RBPJ: variants seen among roughly 807,000 people sequenced by gnomAD.
The protein encoded by RBPJ is recombination signal binding protein for immunoglobulin kappa J region, also known as recombining binding protein suppressor of hairless.
In RBPJ, 9 loss-of-function variants were observed where a neutral mutation model predicts 67.8. That is an observed-to-expected ratio of 0.13 (90% CI 0.08 to 0.23). RBPJ has a LOEUF of 0.23. Ranked by LOEUF, RBPJ falls within the 10% of genes least tolerant of loss-of-function variation. The probability of loss-of-function intolerance (pLI) is 1.00; values close to 1 mark genes in which losing one functional copy is unlikely to be tolerated. For missense variants in RBPJ, 305 were observed against 595.6 expected, an observed-to-expected ratio of 0.51 and a Z score of 5.08; for synonymous variants, 198 against 203.3, an observed-to-expected ratio of 0.97 and a Z score of 0.22.
intron 1 of RBPJ, among the ~76,000 whole-genome samples, chr4:26,219,240 ACCAG>A (rs1348873574): frequency 1.3e-5 from 2 of 152,198 alleles, no homozygotes; most frequent in Non-Finnish European, 2.9e-5. Context: ...CCACCAGCCT[ACCAG>A]CCACGAGTCT....
chr4:26,191,200 TATATATATATAGAGAGAGAGAG>T (rs1279207120), intron 1 of RBPJ, among the ~76,000 whole-genome samples: 4 of 31,324 alleles, frequency 1.3e-4, no homozygotes, highest in African/African-American at 4.3e-4. Context: ...TATATATATA[TATATATATATAGAGAGAGAGAG>T]AGAGAGAGAG....
intron 1 of RBPJ, among the ~76,000 whole-genome samples, chr4:26,300,827 A>C (rs1722050966): frequency 6.6e-6 from 1 of 152,226 alleles, no homozygotes; most frequent in South Asian, 2.1e-4. Context: ...ATGAAGATTT[A>C]ATAAGATGAA....
chr4:26,126,839 A>G, the RBPJ span, among the ~76,000 whole-genome samples: 1 of 152,372 alleles, frequency 6.6e-6, no homozygotes, highest in Non-Finnish European at 1.5e-5. Context: ...AGGAACACAG[A>G]GAACCATATG....
intron 1 of RBPJ, among the ~76,000 whole-genome samples, chr4:26,355,485 CAAAAAAAAA>C (rs33950714): frequency 7.6e-6 from 1 of 131,790 alleles, no homozygotes; most frequent in African/African-American, 2.9e-5. Flanking sequence ...TCATCTCTAC[CAAAAAAAAA>C]AAAAAAAAAA....
intron 1 of RBPJ, among the ~76,000 whole-genome samples, chr4:26,189,326 G>T (rs1454447192): frequency 6.6e-6 from 1 of 152,104 alleles, no homozygotes; most frequent in Non-Finnish European, 1.5e-5. Flanking sequence ...TGCAAAAACT[G>T]ATCCAACCTG....
intron 1 of RBPJ, among the ~76,000 whole-genome samples, chr4:26,351,291 TC>T (rs1158033289): frequency 1.3e-5 from 2 of 151,988 alleles, no homozygotes; most frequent in Non-Finnish European, 2.9e-5. Flanking sequence ...AATTAGGGAG[TC>T]CTGAAGGCAA....
chr4:26,272,343 A>G (rs779420543), intron 1 of RBPJ, among the ~76,000 whole-genome samples: 12 of 152,290 alleles, frequency 7.9e-5, no homozygotes, highest in Middle Eastern at 6.8e-3. Flanking sequence ...AGGCAAGAGG[A>G]TCACTTTAGG....
chr4:26,382,606 A>G (rs777593172), intron 1 of RBPJ, among the ~76,000 whole-genome samples: 5 of 152,322 alleles, frequency 3.3e-5, no homozygotes, highest in Non-Finnish European at 4.4e-5. Flanking sequence ...GCAGTGGCTC[A>G]GTCACAACTC....
At chr4:26,113,393 G>A in the RBPJ span, 2 of 541,188 alleles carry the variant, frequency 3.7e-6, no homozygotes, top group South Asian at 1.9e-5. Context: ...AACACACACA[G>A]GAGAGAAACC....
chr4:26,331,090 G>C (rs1445649955), intron 1 of RBPJ, among the ~76,000 whole-genome samples: 1 of 152,174 alleles, frequency 6.6e-6, no homozygotes, highest in East Asian at 1.9e-4. Context: ...GTTTTAGGGG[G>C]AGGGGAAGGC....
chr4:26,282,603 C>A lies in RBPJ; in HGVS notation c.-166-79843C>A, dbSNP rs532985290. On this transcript the variant is annotated intron_variant, in intron 1 of 4. Coordinates refer to the RBPJ transcript ENST00000512351. ...TGGCGCGATCTCTGCTCACTGCAAC[C>A]TCTACCTCCCGGGTTCAAGCAATTC... Among the ~76,000 whole-genome samples the A allele has an allele frequency of 6.6e-5, 10 of 152,106 alleles. No homozygotes were observed. The South Asian group carries it at 1.9e-3, about 28-fold the overall frequency.
At chr4:26,192,452 T>C (rs1717601692) in intron 1 of RBPJ, among the ~76,000 whole-genome samples, 1 of 152,212 alleles carries the variant, frequency 6.6e-6, no homozygotes, top group African/African-American at 2.4e-5. Context: ...GATGTTGCTA[T>C]TAATCATTAA....
chr4:26,280,213 G>T (rs1183314691), intron 1 of RBPJ, among the ~76,000 whole-genome samples: 3 of 151,648 alleles, frequency 2.0e-5, no homozygotes, highest in African/African-American at 7.3e-5. Flanking sequence ...TGGCTAACAC[G>T]GCGAAACCCC....
At chr4:26,131,421 T>TACAC in the RBPJ span, among the ~76,000 whole-genome samples, 2 of 151,594 alleles carry the variant, frequency 1.3e-5, no homozygotes, top group Admixed American at 6.6e-5. Flanking sequence ...AAAATTGTTT[T>TACAC]ACACACACAC....
At chr4:26,398,071 TGTGTG>T (rs1365849514) in intron 2 of RBPJ, among the ~76,000 whole-genome samples, 6 of 35,622 alleles carry the variant, frequency 1.7e-4, no homozygotes, top group Admixed American at 4.9e-4. Flanking sequence ...CGAGTGATAT[TGTGTG>T]TGTGTGTGTG....
At chr4:26,315,144 C>CAAAAA (rs60940172), upstream of RBPJ, among the ~76,000 whole-genome samples, 85 of 10,332 alleles carry the variant, frequency 8.2e-3, no homozygotes, top group African/African-American at 9.1e-3. Flanking sequence ...GTCTCTGTCT[C>CAAAAA]AAAAAAAAAA....
At chr4:26,347,304 T>G (rs892629414) in intron 1 of RBPJ, among the ~76,000 whole-genome samples, 4 of 152,146 alleles carry the variant, frequency 2.6e-5, no homozygotes, top group African/African-American at 7.2e-5. Context: ...AATTAGAACC[T>G]TGGGAGTGGG....
At chr4:26,202,635 G>A (rs932289641) in intron 1 of RBPJ, among the ~76,000 whole-genome samples, 7 of 151,912 alleles carry the variant, frequency 4.6e-5, no homozygotes, top group Admixed American at 2.0e-4. Flanking sequence ...AGCTGGGCAC[G>A]GTGGCTCATA....
intron 1 of RBPJ, among the ~76,000 whole-genome samples, chr4:26,193,167 CTG>C (rs1717629190): frequency 6.6e-6 from 1 of 152,184 alleles, no homozygotes; most frequent in African/African-American, 2.4e-5. Context: ...ACCTCCCAAA[CTG>C]TAAAATAATA....
Sources: allele counts gnomAD v4.1 joint callset (sites outside exome capture counted in the v4.1 genomes callset), GRCh38; gene constraint gnomAD v4.1.1; transcripts MANE v1.5; gene names NCBI Gene and HGNC (gene_info 2026-07-23, HGNC 2026-07-21).